Variants in ESRRG observed in about 807,000 individuals in gnomAD.
ESRRG encodes estrogen-related receptor gamma.
A neutral mutation model predicts 44.0 loss-of-function variants in ESRRG; 13 were observed. That is an observed-to-expected ratio of 0.30 (90% CI 0.19 to 0.47). ESRRG has a LOEUF of 0.47. Ranked by LOEUF, ESRRG falls within the 20% of genes least tolerant of loss-of-function variation. ESRRG has a pLI of 1.00. For missense variants in ESRRG, 395 were observed against 580.6 expected (o/e 0.68, Z 3.29); for synonymous variants, 215 against 214.6 (o/e 1.00, Z -0.02).
intron 2 of ESRRG, among the ~76,000 whole-genome samples, chr1:216,792,107 T>A (rs2094337368): frequency 6.6e-6 from 1 of 152,156 alleles, no homozygotes. Flanking sequence ...AAATATCAAA[T>A]TTAAAGTGGA....
chr1:216,928,922 A>G (rs2062943563), intron 2 of ESRRG, among the ~76,000 whole-genome samples: 1 of 152,172 alleles, frequency 6.6e-6, no homozygotes, highest in African/African-American at 2.4e-5. Flanking sequence ...ATAGAGACAG[A>G]AAGAATGGGG....
intron 5 of ESRRG, among the ~76,000 whole-genome samples, chr1:216,528,020 C>T (rs536353680): frequency 4.0e-5 from 6 of 151,194 alleles, no homozygotes; most frequent in Non-Finnish European, 8.8e-5. Context: ...ACATAGCTGG[C>T]GCTCAGTAAA....
intron 2 of ESRRG, 82 bp downstream of exon 2, chr1:216,676,994 T>A (rs1268774428): frequency 1.0e-6 from 1 of 975,654 alleles, no homozygotes; most frequent in African/African-American, 1.6e-5. Context: ...ATACTTGACT[T>A]ATGAGAATAA....
chr1:216,797,258 A>T (rs1219382612), intron 2 of ESRRG, among the ~76,000 whole-genome samples: 1 of 152,180 alleles, frequency 6.6e-6, no homozygotes, highest in Non-Finnish European at 1.5e-5. Context: ...TTGATACATT[A>T]TTATTAACAA....
intron 2 of ESRRG, among the ~76,000 whole-genome samples, chr1:216,843,443 T>C (rs997442912): frequency 6.6e-6 from 1 of 152,134 alleles, no homozygotes; most frequent in African/African-American, 2.4e-5. Flanking sequence ...CCACATTGAA[T>C]TGACATTTCT....
intron 6 of ESRRG, among the ~76,000 whole-genome samples, chr1:216,510,662 G>A (rs964550437): frequency 1.3e-5 from 2 of 152,264 alleles, no homozygotes; most frequent in African/African-American, 4.8e-5. Context: ...GAGGCAGGCA[G>A]ATCACGAGGT....
At chr1:216,539,020 T>C (rs1473048294) in intron 5 of ESRRG, among the ~76,000 whole-genome samples, 2 of 152,050 alleles carry the variant, frequency 1.3e-5, no homozygotes, top group African/African-American at 2.4e-5. Context: ...TGTCATGATA[T>C]ACATTTAAAA....
At chr1:217,028,099 T>A (rs182160483) in intron 1 of ESRRG, among the ~76,000 whole-genome samples, 256 of 152,256 alleles carry the variant, frequency 1.7e-3, no homozygotes, top group African/African-American at 5.9e-3. Flanking sequence ...TGTCTAGAAT[T>A]TCTATACACG....
intron 1 of ESRRG, among the ~76,000 whole-genome samples, chr1:216,693,746 G>T (rs1359894723): frequency 6.6e-6 from 1 of 152,132 alleles, no homozygotes; most frequent in Non-Finnish European, 1.5e-5. Context: ...ATCTGCAGTT[G>T]GTCAAATCCA....
intron 5 of ESRRG, among the ~76,000 whole-genome samples, chr1:216,527,898 A>G (rs1291705787): frequency 6.6e-6 from 1 of 152,080 alleles, no homozygotes; most frequent in Non-Finnish European, 1.5e-5. Context: ...TGCTTGATAG[A>G]TGTATCTGTA....
intron 6 of ESRRG, among the ~76,000 whole-genome samples, chr1:216,510,579 A>G (rs2042412307): frequency 6.6e-6 from 1 of 152,152 alleles, no homozygotes; most frequent in South Asian, 2.1e-4. Context: ...GCCCTTCTCT[A>G]TGTTAGAAAA....
chr1:217,060,832 A>ATG (rs1558152887), intron 1 of ESRRG, among the ~76,000 whole-genome samples: 1 of 133,200 alleles, frequency 7.5e-6, no homozygotes. Flanking sequence ...AGATAGATAG[A>ATG]AAAAAGGGAA....
intron 1 of ESRRG, among the ~76,000 whole-genome samples, chr1:217,074,984 C>G (rs1415612269): frequency 6.6e-6 from 1 of 152,028 alleles, no homozygotes; most frequent in Non-Finnish European, 1.5e-5. Context: ...TCTCAGTATC[C>G]TTGGGGATTG....
At chr1:217,103,981 A>T (rs1473592477) in intron 1 of ESRRG, among the ~76,000 whole-genome samples, 1 of 152,226 alleles carries the variant, frequency 6.6e-6, no homozygotes, top group South Asian at 2.1e-4. Context: ...GGCAGGATCA[A>T]CCTCACTTGG....
intron 1 of ESRRG, among the ~76,000 whole-genome samples, chr1:217,115,088 C>G (rs2092706761): frequency 6.6e-6 from 1 of 152,128 alleles, no homozygotes; most frequent in Admixed American, 6.5e-5. Context: ...CACAATGCTA[C>G]TCCTCCCTTT....
At position 217,068,538 on chromosome 1, in the gene ESRRG, C is replaced by T. The variant is rs113881748; in HGVS notation, c.-106+20969G>A. 5.8e-3 allele frequency among the ~76,000 whole-genome samples: 884 copies of T among 152,062 alleles called. 8 individuals are homozygous for T. Among genetic ancestry groups the T allele is most frequent in the African/African-American group, 0.021 (855 of 41,470 alleles). On this transcript the variant is annotated intron_variant, in intron 1 of 7. Transcript: ENST00000359162. The stretch of plus-strand genomic sequence containing the variant: ...CTTCGGCTATATTTTTTTAACAAGC[C>T]GTGTCACTCTGAACAAGCCACATAA...
intron 1 of ESRRG, among the ~76,000 whole-genome samples, chr1:216,956,078 G>A (rs895979660): frequency 3.3e-5 from 5 of 152,030 alleles, no homozygotes; most frequent in East Asian, 1.9e-4. Context: ...TTTGGTTGCT[G>A]TCTGTGTTTT....
intron 1 of ESRRG, among the ~76,000 whole-genome samples, chr1:217,122,096 C>T (rs575021979): frequency 2.0e-5 from 3 of 152,326 alleles, no homozygotes; most frequent in African/African-American, 7.2e-5. Context: ...TCAATCATTC[C>T]TCTTTTTGGA....
At chr1:216,516,668 C>CACACACACAGAGAG (rs376701865) in intron 6 of ESRRG, among the ~76,000 whole-genome samples, 41 of 137,248 alleles carry the variant, frequency 3.0e-4, no homozygotes, top group African/African-American at 1.2e-3. Context: ...CACACACACA[C>CACACACACAGAGAG]AGAGAGAGAG....
Sources: allele counts gnomAD v4.1 joint callset (sites outside exome capture counted in the v4.1 genomes callset), GRCh38; gene constraint gnomAD v4.1.1; transcripts MANE v1.5; gene names NCBI Gene and HGNC (gene_info 2026-07-23, HGNC 2026-07-21).